Variants in AP1M1 observed in about 807,000 individuals in gnomAD.
AP1M1 encodes adaptor related protein complex 1 subunit mu 1, also known as AP-1 complex subunit mu-1.
A neutral mutation model predicts 57.1 loss-of-function variants in AP1M1; 18 were observed. The ratio of observed to expected loss-of-function variants is 0.32; its 90% CI spans 0.22 to 0.47. The LOEUF (loss-of-function observed/expected upper bound fraction) is 0.47. AP1M1 is among the 20% of genes least tolerant of loss of function. The pLI, the probability that AP1M1 is intolerant of heterozygous loss-of-function variation, is 1.00. For synonymous variants in AP1M1, 241 were observed against 237.9 expected (o/e 1.01, Z -0.12); for missense variants, 362 against 593.5 (o/e 0.61, Z 4.05).
In AP1M1 at chr19:16,228,847, A is replaced by G; in HGVS notation, c.966A>G (p.Ser322=). ...IHIPVPNDAD[S]PKFKTTVGSV... ...TTCCCGTGCCCAATGATGCCGACTC[A>G]CCCAAGTTCAAGACGACGGTGGGGA... Residue 322 remains serine, a synonymous_variant, in exon 9 of 12, where the codon TCA becomes TCG. Transcript: ENST00000291439. This position sits in a 1 kb window ranked among gnomAD's most constrained non-coding sequence, Gnocchi z 5.0. 7.4e-6 allele frequency: 12 copies of G among 1,614,134 alleles called. No homozygotes were observed. In the South Asian group the frequency reaches 8.8e-5, roughly 12 times the overall value.
intron 5 of AP1M1, among the ~76,000 whole-genome samples, chr19:16,215,883 A>G (rs1297076323): frequency 1.3e-5 from 2 of 151,714 alleles, no homozygotes; most frequent in Non-Finnish European, 2.9e-5. Flanking sequence ...TTTTTTCTCT[A>G]TTCTCATCTG....
intron 2 of AP1M1, among the ~76,000 whole-genome samples, chr19:16,205,925 G>C (rs2091467600): frequency 6.6e-6 from 1 of 152,326 alleles, no homozygotes; most frequent in African/African-American, 2.4e-5. Context: ...GCTTGCCACA[G>C]AGTCTGGCCG....
In AP1M1 at chr19:16,234,179, C is replaced by A. The variant is rs2091612473; in HGVS notation, c.1174-20C>A. The stretch of plus-strand genomic sequence containing the variant: ...GGGCGGGAGCCTGCGGTGCTCAGGG[C>A]CCTGCTACCTGTGCCCCAGGTGCGC... On this transcript the variant is annotated intron_variant, in intron 10 of 11. Coordinates refer to ENST00000291439, the MANE Select transcript of AP1M1 (RefSeq NM_032493.4). The A allele has an allele frequency of 8.1e-6, 13 of 1,607,862 alleles. No individual in the cohort carries two copies. Among genetic ancestry groups the A allele is most frequent in the Non-Finnish European group, 1.1e-5 (13 of 1,177,036 alleles).
At chr19:16,210,170 G>A (rs1433971633) in intron 5 of AP1M1, among the ~76,000 whole-genome samples, 2 of 152,140 alleles carry the variant, frequency 1.3e-5, no homozygotes, top group Non-Finnish European at 2.9e-5. Context: ...AATTCTTTGC[G>A]ATTCATCCAA....
Position 16,226,415 on chromosome 19 carries a change from C to G in AP1M1, c.547-6C>G, listed in dbSNP as rs1246219213. On this transcript the variant is annotated splice_polypyrimidine_tract_variant and splice_region_variant and intron_variant, in intron 5 of 11. Transcript: ENST00000291439. Reference sequence around the variant, plus strand: ...CCTCCCCTCACGCCCACACCGCCACCCCCAGGTCAGCGCCAACGGCAATGT... The same window carrying G: ...CCTCCCCTCACGCCCACACCGCCACGCCCAGGTCAGCGCCAACGGCAATGT... The G allele has an allele frequency of 6.5e-7, 1 of 1,529,986 alleles. No individual in the cohort carries two copies. The highest frequency in any genetic ancestry group is 8.8e-7 in the Non-Finnish European group (1 of 1,135,522). The allele number at this position is 1,529,986 out of a possible 1,614,324, so 94.8% of individuals were successfully genotyped here.
At position 16,243,903 on chromosome 19, in the gene AP1M1, A is replaced by C. The variant is rs1351435516; in HGVS notation, c.*9468A>C. The C allele has an allele frequency of 3.3e-5, 5 of 152,186 alleles. No individual in the cohort carries two copies. Among genetic ancestry groups the C allele is most frequent in the Admixed American group, 3.3e-4 (5 of 15,266 alleles). 9.4% of individuals were successfully genotyped at this position (152,186 alleles called of 1,614,324 possible). On this transcript the variant is annotated 3_prime_UTR_variant, in exon 12 of 12. Transcript: ENST00000291439. ...GGTTGCAGTGAGCTGAGATTGTGCCACTGCACTCCAGCCTGGGCAACGAAA... is the reference window on the plus strand; with the variant it reads ...GGTTGCAGTGAGCTGAGATTGTGCCCCTGCACTCCAGCCTGGGCAACGAAA...
chr19:16,227,565 G>A lies in AP1M1; in HGVS notation c.691G>A (p.Val231Met), dbSNP rs1239191986. 1 of 1,613,890 alleles carries A rather than the reference G, an allele frequency of 6.2e-7. No individual in the cohort carries two copies. Among genetic ancestry groups the A allele is most frequent in the Non-Finnish European group, 8.5e-7 (1 of 1,179,822 alleles). ...DNTGRGKSKSVELEDVKFHQC... is the reference protein window; with the variant it reads ...DNTGRGKSKSMELEDVKFHQC... ...GACCCCAGGCGGCAAAAGCAAATCC[G>A]TGGAGCTGGAGGATGTGAAGTTCCA... The change falls in exon 7 of 12, where the codon GTG becomes ATG. Residue 231 changes from valine to methionine, a missense_variant. Val to Met is a conservative substitution (Grantham distance 21). This residue lies in a region of AP1M1 where 337 missense variants were observed against 511.1 expected (regional missense o/e 0.66). Transcript: ENST00000291439. This position sits in a 1 kb window ranked among gnomAD's most constrained non-coding sequence, Gnocchi z 6.2.
intron 5 of AP1M1, among the ~76,000 whole-genome samples, chr19:16,215,070 T>G (rs2091511827): frequency 6.6e-6 from 1 of 151,348 alleles, no homozygotes; most frequent in South Asian, 2.1e-4. Flanking sequence ...CATTTCTCCT[T>G]TGCTGATGAA....
intron 9 of AP1M1, among the ~76,000 whole-genome samples, chr19:16,229,973 G>T (rs1024557928): frequency 6.6e-6 from 1 of 152,198 alleles, no homozygotes; most frequent in Non-Finnish European, 1.5e-5. Flanking sequence ...ATCCCGGATA[G>T]TTGGATTAGC....
intron 5 of AP1M1, among the ~76,000 whole-genome samples, chr19:16,219,714 T>G (rs2091535090): frequency 6.6e-6 from 1 of 152,190 alleles, no homozygotes; most frequent in African/African-American, 2.4e-5. Flanking sequence ...TTATGTTTTA[T>G]ATACACCTTA....
Position 16,206,205 on chromosome 19 carries a change from G to T in AP1M1, c.200-136G>T. On this transcript the variant is annotated intron_variant, in intron 2 of 11. Transcript: ENST00000291439. The surrounding 1 kb of genome is among the most constrained non-coding windows in gnomAD (Gnocchi z 4.3). ...ACCAGGAGCTTTGTAGCCCACCATG[G>T]GCCAAGTAAACGGCTGGGAGTGGGG... is the stretch of plus-strand genomic sequence containing the variant. The T allele has an allele frequency of 1.2e-6, 1 of 865,394 alleles. No homozygotes were observed. The allele number at this position is 865,394 out of a possible 1,614,324, so 53.6% of individuals were successfully genotyped here.
intron 5 of AP1M1, among the ~76,000 whole-genome samples, chr19:16,222,740 T>C (rs980396893): frequency 1.3e-5 from 2 of 152,114 alleles, no homozygotes; most frequent in Admixed American, 6.5e-5. Context: ...GCTGAGTAGC[T>C]GAGACCACAG....
rs745957793 is a variant in AP1M1, at chr19:16,228,193, C to T, written c.873C>T (p.Ile291=). 1.1e-5 allele frequency: 17 copies of T among 1,613,676 alleles called. No homozygotes were observed. In the East Asian group the frequency reaches 1.3e-4, roughly 13 times the overall value. ...TCGAGAAGCACTCCCACAGCCGCAT[C>T]GAGTACATGATCAAGGTGCGTGGGC... is the stretch of plus-strand genomic sequence containing the variant. The part of the protein sequence containing the change: ...SVIEKHSHSR[I]EYMIKAKSQF... Residue 291 remains isoleucine, a synonymous_variant, in exon 8 of 12, where the codon ATC becomes ATT. Transcript: ENST00000291439. This position sits in a 1 kb window ranked among gnomAD's most constrained non-coding sequence, Gnocchi z 5.0.
At chr19:16,201,253 G>A (rs1042647517) in intron 1 of AP1M1, among the ~76,000 whole-genome samples, 9 of 152,066 alleles carry the variant, frequency 5.9e-5, no homozygotes, top group African/African-American at 2.2e-4. Flanking sequence ...AGGAGTAGTT[G>A]CTGTTCTCAG....
In AP1M1 at chr19:16,227,527, T is replaced by C; in HGVS notation, c.674-21T>C. ...TGACCCGGAGGGCCCAGATCTGTCC[T>C]ACCCTCACCCCTGACCCCAGGCGGC... On this transcript the variant is annotated intron_variant, in intron 6 of 11. Transcript: ENST00000291439. The surrounding 1 kb of genome is among the most constrained non-coding windows in gnomAD (Gnocchi z 6.2). 6.2e-7 allele frequency: 1 copy of C among 1,612,592 alleles called. No individual in the cohort carries two copies. The highest frequency in any genetic ancestry group is 8.5e-7 in the Non-Finnish European group (1 of 1,178,852).
intron 5 of AP1M1, among the ~76,000 whole-genome samples, chr19:16,218,405 G>C (rs2091528116): frequency 6.6e-6 from 1 of 152,210 alleles, no homozygotes; most frequent in Admixed American, 6.5e-5. Flanking sequence ...TTCCTGCCGG[G>C]ATTCCAGAGG....
Position 16,234,421 on chromosome 19 carries a change from C to G in AP1M1, c.1258C>G (p.Leu420Val). 6.2e-7 allele frequency: 1 copy of G among 1,613,898 alleles called. No individual in the cohort carries two copies. Among genetic ancestry groups the G allele is most frequent in the Non-Finnish European group, 8.5e-7 (1 of 1,179,958 alleles). Residue 420 changes from leucine (L) to valine (V), a missense_variant, in exon 12 of 12, where the codon CTC becomes GTC. Physicochemically the swap from Leu to Val is conservative, Grantham distance 32. Transcript: ENST00000291439. ...TCCCTCCTGTCTCCTAGATTACCAG[C>G]TCCGGACCCAGTGAGGGGCTGTCGC... Reference protein sequence around the residue: ...RYITQNGDYQLRTQ With the variant: ...RYITQNGDYQVRTQ
chr19:16,206,442 TGGA>T lies in AP1M1; in HGVS notation c.267+37_267+39del, dbSNP rs2091469980. The T allele has an allele frequency of 6.2e-7, 1 of 1,611,044 alleles. No homozygotes were observed. The highest frequency in any genetic ancestry group is 8.5e-7 in the Non-Finnish European group (1 of 1,177,884). On this transcript the variant is annotated intron_variant, in intron 3 of 11. Transcript: ENST00000291439. The surrounding 1 kb of genome is among the most constrained non-coding windows in gnomAD (Gnocchi z 4.3). ...CGCTCGGAGGGGCCGTGGGCTTGGG[TGGA>T]GGTTGTCTTGGCTCTGCTTGTGGAC...
At position 16,237,175 on chromosome 19, in the gene AP1M1, C is replaced by T. The variant is rs565388340; in HGVS notation, c.*2740C>T. The T allele has an allele frequency of 5.9e-5, 9 of 152,132 alleles. No homozygotes were observed. Among genetic ancestry groups the T allele is most frequent in the South Asian group, 4.1e-4 (2 of 4,822 alleles). The allele number at this position is 152,132 out of a possible 1,614,324, so 9.4% of individuals were successfully genotyped here. A position where few individuals can be genotyped will look rare whatever the true frequency, so the allele number is the denominator to read the frequency against. ...TCGGCCAGGCGTGGTGGCTCACGCC[C>T]GTGAGCCCAATACTTTGGGAAGCCG... On this transcript the variant is annotated 3_prime_UTR_variant, in exon 12 of 12. Transcript: ENST00000291439.
Sources: gnomAD v4.1 joint callset for allele counts (sites outside exome capture counted in the v4.1 genomes callset) on GRCh38, gnomAD v4.1.1 for gene constraint, gnomAD v4.1.1 regional missense constraint, Gnocchi (gnomAD v3.1) non-coding constraint, MANE v1.5 for transcripts, NCBI Gene and HGNC (gene_info 2026-07-23, HGNC 2026-07-21) for gene names.